GRIP1: variants seen among roughly 807,000 people sequenced by gnomAD.
GRIP1 encodes glutamate receptor interacting protein 1, also known as glutamate receptor-interacting protein 1.
In GRIP1, 45 loss-of-function variants were observed where a neutral mutation model predicts 129.9. The ratio of observed to expected loss-of-function variants is 0.35; its 90% CI spans 0.27 to 0.44. The LOEUF (loss-of-function observed/expected upper bound fraction) is 0.44. GRIP1 is among the 20% of genes least tolerant of loss of function. GRIP1 has a pLI of 1.00. For synonymous variants in GRIP1, 530 were observed against 520.8 expected (o/e 1.02, Z -0.24); for missense variants, 1,196 against 1,396.8 (o/e 0.86, Z 2.29).
At chr12:66,896,834 C>T (rs1662056105) in intron 1 of GRIP1, among the ~76,000 whole-genome samples, 1 of 152,180 alleles carries the variant, frequency 6.6e-6, no homozygotes, top group Non-Finnish European at 1.5e-5. Context: ...AAGAAGATAG[C>T]TTGGCAGTTT....
intron 1 of GRIP1, among the ~76,000 whole-genome samples, chr12:67,034,688 C>A (rs2043069816): frequency 6.6e-6 from 1 of 152,182 alleles, no homozygotes; most frequent in African/African-American, 2.4e-5. Flanking sequence ...ACACAACTGG[C>A]AGAGCAGTAG....
At chr12:66,882,012 T>C (rs1213697013) in intron 1 of GRIP1, among the ~76,000 whole-genome samples, 2 of 152,102 alleles carry the variant, frequency 1.3e-5, no homozygotes, top group African/African-American at 4.8e-5. Flanking sequence ...CTTTTTCCTA[T>C]CCCCTGTTCT....
At chr12:66,479,056 G>GA (rs953508072) in intron 7 of GRIP1, among the ~76,000 whole-genome samples, 2 of 145,126 alleles carry the variant, frequency 1.4e-5, no homozygotes, top group African/African-American at 2.5e-5. Context: ...AAAAGAAAAA[G>GA]AAAAAAAAGA....
intron 16 of GRIP1, among the ~76,000 whole-genome samples, chr12:66,397,394 T>C (rs1211793830): frequency 6.6e-6 from 1 of 151,710 alleles, no homozygotes; most frequent in Admixed American, 6.6e-5. Context: ...GTGCCTGTAG[T>C]CCCACCTACT....
intron 1 of GRIP1, among the ~76,000 whole-genome samples, chr12:67,033,951 T>TGCTTAC (rs1272934054): frequency 6.6e-6 from 1 of 152,208 alleles, no homozygotes; most frequent in African/African-American, 2.4e-5. Context: ...TTTTAATCTG[T>TGCTTAC]GCTTACCCCT....
intron 1 of GRIP1, among the ~76,000 whole-genome samples, chr12:66,803,274 CT>C (rs2136922851): frequency 1.3e-5 from 2 of 152,318 alleles, no homozygotes; most frequent in South Asian, 4.1e-4. Context: ...TAACTGTCAT[CT>C]TCCCCCATTT....
intron 1 of GRIP1, among the ~76,000 whole-genome samples, chr12:66,922,779 G>A (rs1360326290): frequency 3.3e-5 from 5 of 152,124 alleles, no homozygotes; most frequent in African/African-American, 1.2e-4. Context: ...ATGATGGCCA[G>A]AACTCCAGCA....
chr12:66,986,934 G>A lies in GRIP1; in HGVS notation c.58+82116C>T, dbSNP rs143445731. On this transcript the variant is annotated intron_variant, in intron 1 of 1. Coordinates refer to the GRIP1 transcript ENST00000643019. Reference sequence around the variant, plus strand: ...TTGGAATTCCTACTAGAAATTCTAAGAAGCTCAGAGACATCATATAAATCT... The same window carrying A: ...TTGGAATTCCTACTAGAAATTCTAAAAAGCTCAGAGACATCATATAAATCT... 3.0e-3 allele frequency among the ~76,000 whole-genome samples: 460 copies of A among 151,916 alleles called. 1 individual carries two copies. The highest frequency in any genetic ancestry group is 1.0e-2 in the African/African-American group (413 of 41,478).
chr12:66,824,826 A>C (rs2039380931), intron 1 of GRIP1, among the ~76,000 whole-genome samples: 1 of 152,196 alleles, frequency 6.6e-6, no homozygotes, highest in Non-Finnish European at 1.5e-5. Flanking sequence ...ATTTTTTTAA[A>C]TTACTGGAAA....
chr12:66,842,147 T>C (rs533796404), intron 1 of GRIP1, among the ~76,000 whole-genome samples: 10 of 152,244 alleles, frequency 6.6e-5, no homozygotes, highest in African/African-American at 2.4e-4. Flanking sequence ...AAAAACATTT[T>C]AAATGAATAA....
chr12:66,951,431 A>G, intron 1 of GRIP1, among the ~76,000 whole-genome samples: 1 of 152,200 alleles, frequency 6.6e-6, no homozygotes, highest in South Asian at 2.1e-4. Context: ...CTGAGAACAG[A>G]AAGAATGAAC....
intron 2 of GRIP1, among the ~76,000 whole-genome samples, chr12:66,577,512 T>C (rs2063182072): frequency 6.6e-6 from 1 of 152,206 alleles, no homozygotes; most frequent in Non-Finnish European, 1.5e-5. Flanking sequence ...ATCATTCTAT[T>C]TCATCATTGT....
At chr12:66,386,055 T>C (rs1397142069) in intron 19 of GRIP1, among the ~76,000 whole-genome samples, 1 of 152,232 alleles carries the variant, frequency 6.6e-6, no homozygotes, top group Non-Finnish European at 1.5e-5. Flanking sequence ...TTTAGTTTTA[T>C]TTATTTGCAT....
intron 1 of GRIP1, among the ~76,000 whole-genome samples, chr12:66,978,515 T>C (rs1001390129): frequency 2.6e-5 from 4 of 152,194 alleles, no homozygotes; most frequent in Non-Finnish European, 5.9e-5. Flanking sequence ...TATGTTAACA[T>C]CTCAAGTCTC....
At chr12:66,927,392 A>G (rs2041314119) in intron 1 of GRIP1, among the ~76,000 whole-genome samples, 1 of 152,192 alleles carries the variant, frequency 6.6e-6, no homozygotes, top group South Asian at 2.1e-4. Context: ...AGAGCTTATA[A>G]TAGAACACAT....
intron 1 of GRIP1, among the ~76,000 whole-genome samples, chr12:66,945,804 T>G (rs938929318): frequency 6.6e-6 from 1 of 152,204 alleles, no homozygotes; most frequent in African/African-American, 2.4e-5. Flanking sequence ...AAGGAGAAGT[T>G]TGGCTCAAAC....
intron 2 of GRIP1, among the ~76,000 whole-genome samples, chr12:66,582,701 G>T (rs1281320267): frequency 6.9e-6 from 1 of 144,222 alleles, no homozygotes; most frequent in Non-Finnish European, 1.5e-5. Context: ...ACTTACAAGG[G>T]ACATGAAGGA....
intron 1 of GRIP1, among the ~76,000 whole-genome samples, chr12:66,775,921 G>A (rs1411590805): frequency 6.6e-6 from 1 of 152,132 alleles, no homozygotes; most frequent in Non-Finnish European, 1.5e-5. Flanking sequence ...ATATGCTTAT[G>A]TGCAAGGAGG....
intron 1 of GRIP1, among the ~76,000 whole-genome samples, chr12:66,948,356 A>G (rs1033411147): frequency 2.6e-5 from 4 of 152,214 alleles, no homozygotes; most frequent in African/African-American, 9.6e-5. Flanking sequence ...TCACTTAGCT[A>G]AATGAGCTGT....
Sources: gnomAD v4.1 joint callset for allele counts (sites outside exome capture counted in the v4.1 genomes callset) on GRCh38, gnomAD v4.1.1 for gene constraint, MANE v1.5 for transcripts, NCBI Gene and HGNC (gene_info 2026-07-23, HGNC 2026-07-21) for gene names.